Variants in MRPS5 observed in about 807,000 individuals in gnomAD.
The protein encoded by MRPS5 is mitochondrial ribosomal protein S5.
Under a neutral mutation model 51.9 loss-of-function variants are expected in MRPS5, and 27 were observed. The ratio of observed to expected loss-of-function variants is 0.52; its 90% CI spans 0.38 to 0.72. The LOEUF (loss-of-function observed/expected upper bound fraction) is 0.72. MRPS5 is among the 30% of genes least tolerant of loss of function. MRPS5 has a pLI of 0.00. For missense variants in MRPS5, 570 were observed against 545.7 expected, an observed-to-expected ratio of 1.04 and a Z score of -0.44; for synonymous variants, 196 against 193.2, an observed-to-expected ratio of 1.01 and a Z score of -0.12.
At chr2:95,090,350 C>A in intron 11 of MRPS5, 36 bp downstream of exon 11, 1 of 1,609,924 alleles carries the variant, frequency 6.2e-7, no homozygotes, top group Non-Finnish European at 8.5e-7. Context: ...GAAATACAAA[C>A]TAGAACCTCT....
chr2:95,120,826 A>G (rs149541562), intron 1 of MRPS5, among the ~76,000 whole-genome samples: 12 of 152,192 alleles, frequency 7.9e-5, no homozygotes, highest in Admixed American at 2.0e-4. Flanking sequence ...CAGGACCTTG[A>G]AAAAGCAGGA....
chr2:95,097,504 T>G (rs1170817946), intron 10 of MRPS5, among the ~76,000 whole-genome samples: 1 of 152,104 alleles, frequency 6.6e-6, no homozygotes, highest in Non-Finnish European at 1.5e-5. Context: ...AACAGAGATA[T>G]AGACCAATGG....
At chr2:95,116,990 A>G (rs1676301720) in intron 2 of MRPS5, among the ~76,000 whole-genome samples, 1 of 152,084 alleles carries the variant, frequency 6.6e-6, no homozygotes, top group African/African-American at 2.4e-5. Flanking sequence ...AAAATACAAA[A>G]ATTAGCTGGG....
intron 10 of MRPS5, 151 bp downstream of exon 10, chr2:95,100,323 G>A (rs1357058275): frequency 3.3e-6 from 2 of 605,234 alleles, no homozygotes; most frequent in Non-Finnish European, 5.9e-6. Flanking sequence ...TTCTCCAAGA[G>A]CCTCATCGTT....
intron 11 of MRPS5, 92 bp downstream of exon 11, chr2:95,090,294 C>T: frequency 1.5e-6 from 2 of 1,357,868 alleles, no homozygotes; most frequent in Non-Finnish European, 2.0e-6. Context: ...CCCAGGAAAG[C>T]ATCTCCAGGA....
rs777275430 is a variant in MRPS5, at chr2:95,090,463, C to A, written c.991G>T (p.Asp331Tyr). Residue 331 changes from aspartate to tyrosine, a missense_variant, in exon 11 of 12, where the codon GAC becomes TAC. Transcript: ENST00000272418. ...GACCCAGAGACCTTGGCATACATGT[C>A]TTTGATGCCAATGAGCCGGCAGATG... Reference protein sequence around the residue: ...ITICRLIGIKDMYAKVSGSIN... With the variant: ...ITICRLIGIKYMYAKVSGSIN... The A allele has an allele frequency of 6.2e-7, 1 of 1,614,184 alleles. No homozygotes were observed. The highest frequency in any genetic ancestry group is 2.2e-5 in the East Asian group (1 of 44,882).
chr2:95,109,944 A>T lies in MRPS5; in HGVS notation c.375T>A (p.Asp125Glu). 6.2e-7 allele frequency: 1 copy of T among 1,613,566 alleles called. No homozygotes were observed. Among genetic ancestry groups the T allele is most frequent in the Non-Finnish European group, 8.5e-7 (1 of 1,179,962 alleles). The change falls in exon 4 of 12, where the codon GAT becomes GAA. Residue 125 changes from aspartate to glutamate, a missense_variant. Coordinates refer to ENST00000272418, the MANE Select transcript of MRPS5 (RefSeq NM_031902.5). ...GKRTKKKKRK[D>E]LNRGQIIGEG... is the part of the protein sequence containing the mutation. The stretch of plus-strand genomic sequence containing the variant: ...CACCAATGATCTGACCCCTGTTCAG[A>T]TCCTTTCTTTTCTTCTTTTTAGTTC...
In MRPS5 at chr2:95,121,754, A is replaced by ACGGGGAGGCAGCCCACAGCG; in HGVS notation, c.18_37dup (p.Val13AlafsTer24). 1.3e-6 allele frequency: 2 copies of ACGGGGAGGCAGCCCACAGCG among 1,552,940 alleles called. No individual in the cohort carries two copies. The highest frequency in any genetic ancestry group is 8.6e-7 in the Non-Finnish European group (1 of 1,158,610). ...CTCACCTGCCGTCCCGCTACACAGC[A>ACGGGGAGGCAGCCCACAGCG]CGGGGAGGCAGCCCACAGCGCGCAC... On this transcript the variant is annotated frameshift_variant, in exon 1 of 12. Coordinates refer to ENST00000272418, the MANE Select transcript of MRPS5 (RefSeq NM_031902.5). LOFTEE classifies it high-confidence loss of function.
chr2:95,088,935 C>T (rs1675379160), intron 11 of MRPS5, among the ~76,000 whole-genome samples: 2 of 152,232 alleles, frequency 1.3e-5, no homozygotes, highest in East Asian at 1.9e-4. Flanking sequence ...GGCATGGTGG[C>T]ACGTGCCTGT....
chr2:95,109,041 G>A (rs1479487996), intron 4 of MRPS5, among the ~76,000 whole-genome samples: 1 of 151,626 alleles, frequency 6.6e-6, no homozygotes, highest in East Asian at 1.9e-4. Flanking sequence ...AAAACTGAAG[G>A]AAACACACCA....
rs374342334 is a variant in MRPS5, at chr2:95,085,915, ATT to A, written c.*1440_*1441del. ...ACACAGATGTTGAAACTTTATGACA[ATT>A]TTTTTTTTTTTTTTGGAGACAAGGT... is the stretch of plus-strand genomic sequence containing the variant. On this transcript the variant is annotated 3_prime_UTR_variant, in exon 12 of 12. Coordinates refer to ENST00000272418, the MANE Select transcript of MRPS5 (RefSeq NM_031902.5). Among the ~76,000 whole-genome samples the A allele has an allele frequency of 1.5e-4, 21 of 143,400 alleles. No homozygotes were observed. The highest frequency in any genetic ancestry group is 2.0e-4 in the East Asian group (1 of 4,930). 94.1% of individuals were successfully genotyped at this position (143,400 alleles called of 152,430 possible).
chr2:95,106,362 C>CA, intron 6 of MRPS5, 61 bp downstream of exon 6: 8 of 850,682 alleles, frequency 9.4e-6, no homozygotes, highest in East Asian at 2.5e-5. Context: ...TGCCCTGTCC[C>CA]TGCCCCACCC....
At position 95,090,539 on chromosome 2, in the gene MRPS5, C is replaced by G; in HGVS notation, c.932-17G>C. On this transcript the variant is annotated splice_polypyrimidine_tract_variant and intron_variant, in intron 10 of 11. Coordinates refer to ENST00000272418, the MANE Select transcript of MRPS5 (RefSeq NM_031902.5). ...GGCCGTAACCTAGAAAAGGAGAAAC[C>G]GGGTGAAACACAGCCCACTCGCCTG... The G allele has an allele frequency of 6.2e-7, 1 of 1,613,776 alleles. No homozygotes were observed. The highest frequency in any genetic ancestry group is 8.5e-7 in the Non-Finnish European group (1 of 1,179,806).
intron 10 of MRPS5, among the ~76,000 whole-genome samples, chr2:95,094,687 T>G (rs189949174): frequency 6.6e-6 from 1 of 152,136 alleles, no homozygotes; most frequent in African/African-American, 2.4e-5. Context: ...TACTGAGAGA[T>G]TCTGTCACTA....
In MRPS5 at chr2:95,100,843, G is replaced by T; in HGVS notation, c.862C>A (p.His288Asn). The T allele has an allele frequency of 1.3e-6, 2 of 1,596,116 alleles. No homozygotes were observed. The highest frequency in any genetic ancestry group is 1.7e-6 in the Non-Finnish European group (2 of 1,173,974). The change falls in exon 9 of 12, where the codon CAT becomes AAT. Residue 288 changes from histidine to asparagine, a missense_variant. Coordinates refer to ENST00000272418, the MANE Select transcript of MRPS5 (RefSeq NM_031902.5). ...HLHYIERYED[H>N]TIFHDISLRF... ...AAAATAGATTATCACTCACTTGTAT[G>T]GTCTTCATATCGTTCTATATAATGC...
At chr2:95,118,964 A>C (rs1369299572) in intron 1 of MRPS5, among the ~76,000 whole-genome samples, 2 of 152,196 alleles carry the variant, frequency 1.3e-5, no homozygotes, top group Non-Finnish European at 2.9e-5. Context: ...GAGACACCAA[A>C]AGCACAGCAA....
Position 95,121,686 on chromosome 2 carries a change from C to T in MRPS5, c.58+48G>A, listed in dbSNP as rs370143675. On this transcript the variant is annotated intron_variant, in intron 1 of 11. Transcript: ENST00000272418. ...TTCTGCAGGCCCCAGGCGAGCCCCC[C>T]ACTCCCGGCCCGCTCAGAGCCCCTG... 2.8e-5 allele frequency: 43 copies of T among 1,516,676 alleles called. No individual in the cohort carries two copies. In the African/African-American group the frequency reaches 5.4e-4, roughly 19 times the overall value. 94.0% of individuals were successfully genotyped at this position (1,516,676 alleles called of 1,614,324 possible).
intron 8 of MRPS5, 86 bp from the exon 9 acceptor site, chr2:95,100,980 C>A: frequency 8.3e-7 from 1 of 1,203,188 alleles, no homozygotes; most frequent in Non-Finnish European, 1.2e-6. Context: ...AAAAATGTTT[C>A]ATTATCAAAA....
chr2:95,102,459 C>T (rs960399638), intron 7 of MRPS5, among the ~76,000 whole-genome samples: 1 of 152,082 alleles, frequency 6.6e-6, no homozygotes, highest in Admixed American at 6.5e-5. Context: ...AGCTCGAGTT[C>T]AAGATGAGCC....
Sources: allele counts gnomAD v4.1 joint callset (sites outside exome capture counted in the v4.1 genomes callset), GRCh38; gene constraint gnomAD v4.1.1; transcripts MANE v1.5; gene names NCBI Gene and HGNC (gene_info 2026-07-23, HGNC 2026-07-21).